The following MRAP2 variants were observed in gnomAD, a reference collection of about 807,000 sequenced individuals.
MRAP2 encodes the protein melanocortin 2 receptor accessory protein 2.
MRAP2 carries 20 observed loss-of-function variants against 17.4 expected under a neutral mutation model. The observed-to-expected ratio is 1.15, with a 90% CI of 0.81 to 1.67. The LOEUF (loss-of-function observed/expected upper bound fraction) is 1.67. MRAP2 is among the 40% of genes most tolerant of loss of function. The pLI is 0.00. For synonymous variants in MRAP2, 96 were observed against 88.4 expected, an observed-to-expected ratio of 1.09 and a Z score of -0.48; for missense variants, 238 against 240.0, an observed-to-expected ratio of 0.99 and a Z score of 0.05.
At chr6:84,066,549 AT>A (rs2099494749) in intron 3 of MRAP2, among the ~76,000 whole-genome samples, 1 of 152,184 alleles carries the variant, frequency 6.6e-6, no homozygotes, top group Non-Finnish European at 1.5e-5. Context: ...AAGTTTGCCT[AT>A]GATAATTAGG....
At chr6:84,143,086 C>T in the MRAP2 span, among the ~76,000 whole-genome samples, 2 of 151,990 alleles carry the variant, frequency 1.3e-5, no homozygotes, top group Non-Finnish European at 2.9e-5. Context: ...TTTGGTATAG[C>T]TTACATCCTT....
chr6:84,116,516 G>A, the MRAP2 span, among the ~76,000 whole-genome samples: 1 of 152,142 alleles, frequency 6.6e-6, no homozygotes, highest in Non-Finnish European at 1.5e-5. Flanking sequence ...CCCAGTCTCA[G>A]GTATGTCTTC....
At chr6:84,106,655 T>C in the MRAP2 span, among the ~76,000 whole-genome samples, 1 of 152,178 alleles carries the variant, frequency 6.6e-6, no homozygotes, top group Non-Finnish European at 1.5e-5. Flanking sequence ...GGTACTCCCC[T>C]GTGAGGCCAT....
At chr6:84,100,023 C>A in the MRAP2 span, among the ~76,000 whole-genome samples, 1 of 152,050 alleles carries the variant, frequency 6.6e-6, no homozygotes, top group East Asian at 1.9e-4. Flanking sequence ...CCATGCCCAG[C>A]AAATTTTTAC....
At chr6:84,117,642 GGTGTGTGTCTGTGTGTGT>G in the MRAP2 span, among the ~76,000 whole-genome samples, 3 of 140,892 alleles carry the variant, frequency 2.1e-5, no homozygotes, top group Non-Finnish European at 3.0e-5. Context: ...TTGGATGTGG[GGTGTGTGTCTGTGTGTGT>G]GTGTGTGTGT....
intron 2 of MRAP2, among the ~76,000 whole-genome samples, chr6:84,059,778 G>A (rs2099492631): frequency 6.6e-6 from 1 of 152,164 alleles, no homozygotes; most frequent in South Asian, 2.1e-4. Flanking sequence ...AACTCGTTTG[G>A]AAGGCTTCTT....
the MRAP2 span, among the ~76,000 whole-genome samples, chr6:84,116,652 G>C: frequency 1.3e-5 from 2 of 152,062 alleles, no homozygotes; most frequent in African/African-American, 4.8e-5. Context: ...TTATTATTTT[G>C]AGGTATATTC....
At chr6:84,065,125 A>C (rs184034961) in intron 3 of MRAP2, among the ~76,000 whole-genome samples, 2 of 152,232 alleles carry the variant, frequency 1.3e-5, no homozygotes, top group Non-Finnish European at 2.9e-5. Flanking sequence ...TGTCTACAAA[A>C]AATACAAAAA....
intron 3 of MRAP2, among the ~76,000 whole-genome samples, chr6:84,075,581 C>T (rs750438362): frequency 1.2e-4 from 19 of 152,104 alleles, no homozygotes; most frequent in Admixed American, 3.3e-4. Context: ...CATTATGGCC[C>T]CATTATCATA....
chr6:84,047,078 C>T lies in MRAP2; in HGVS notation c.-7-8234C>T, dbSNP rs141198257. Among the ~76,000 whole-genome samples, 973 of 152,220 alleles carry T rather than the reference C, an allele frequency of 6.4e-3. 17 individuals are homozygous for T. The highest frequency in any genetic ancestry group is 0.022 in the African/African-American group (910 of 41,546). On this transcript the variant is annotated intron_variant, in intron 1 of 3. Transcript: ENST00000257776. ...TCAGATGTCTCAGCACCCTGTCATCCTCTGGGGTTCTCTTTTGCTTTAGAG... is the reference window on the plus strand; with the variant it reads ...TCAGATGTCTCAGCACCCTGTCATCTTCTGGGGTTCTCTTTTGCTTTAGAG...
chr6:84,136,358 G>T, the MRAP2 span, among the ~76,000 whole-genome samples: 1 of 152,310 alleles, frequency 6.6e-6, no homozygotes, highest in Middle Eastern at 3.4e-3. Flanking sequence ...GCCTTTTGCT[G>T]CATTAACCCA....
chr6:84,062,926 C>G lies in MRAP2; in HGVS notation c.161C>G (p.Ala54Gly). The change falls in exon 3 of 4, where the codon GCA (alanine) becomes GGA (glycine). Residue 54 changes from alanine to glycine, a missense_variant. Physicochemically the swap from Ala to Gly is moderately conservative, Grantham distance 60 (BLOSUM62 0). Coordinates refer to ENST00000257776, the MANE Select transcript of MRAP2 (RefSeq NM_138409.4). ...SIVIGFWVGL[A>G]VFVIFMFFVL... ...GTGATTGGATTTTGGGTTGGTCTTG[C>G]AGTCTTCGTGATTTTTATGTTTTTT... The G allele has an allele frequency of 6.2e-7, 1 of 1,614,142 alleles. No individual in the cohort carries two copies. The highest frequency in any genetic ancestry group is 1.3e-5 in the African/African-American group (1 of 75,034).
the MRAP2 span, among the ~76,000 whole-genome samples, chr6:84,104,444 A>G: frequency 2.6e-5 from 4 of 152,236 alleles, no homozygotes; most frequent in Non-Finnish European, 4.4e-5. Context: ...TTCTCCTCAG[A>G]AAATGGGATT....
At chr6:84,062,845 G>C in intron 2 of MRAP2, 48 bp from the exon 3 acceptor site, 8 of 1,612,094 alleles carry the variant, frequency 5.0e-6, no homozygotes, top group Non-Finnish European at 6.8e-6. Context: ...GAATGTTCAA[G>C]TTTTAAACTA....
At chr6:84,046,933 C>T (rs1200083696) in intron 1 of MRAP2, among the ~76,000 whole-genome samples, 1 of 151,888 alleles carries the variant, frequency 6.6e-6, no homozygotes, top group African/African-American at 2.4e-5. Flanking sequence ...GATGATTCCT[C>T]ACAGCTTAGA....
the MRAP2 span, among the ~76,000 whole-genome samples, chr6:84,134,822 A>ATC: frequency 2.6e-5 from 4 of 151,990 alleles, no homozygotes; most frequent in Non-Finnish European, 5.9e-5. Flanking sequence ...CCCACAGATT[A>ATC]AACTTTTGAT....
intron 3 of MRAP2, among the ~76,000 whole-genome samples, chr6:84,080,401 TG>T (rs2099498678): frequency 6.6e-6 from 1 of 152,216 alleles, no homozygotes; most frequent in Admixed American, 6.5e-5. Context: ...CCTCTTTTGC[TG>T]AAGCTCTTTC....
chr6:84,137,326 C>T, the MRAP2 span, among the ~76,000 whole-genome samples: 16 of 152,114 alleles, frequency 1.1e-4, no homozygotes, highest in Non-Finnish European at 1.3e-4. Context: ...AGCCTTACAA[C>T]GGCAAGTCAA....
At chr6:84,075,848 A>G (rs1159184452) in intron 3 of MRAP2, among the ~76,000 whole-genome samples, 1 of 152,178 alleles carries the variant, frequency 6.6e-6, no homozygotes, top group Non-Finnish European at 1.5e-5. Context: ...GCACTCATTA[A>G]AGAATGGGTA....
Sources: allele counts gnomAD v4.1 joint callset (sites outside exome capture counted in the v4.1 genomes callset), GRCh38; gene constraint gnomAD v4.1.1; transcripts MANE v1.5; gene names NCBI Gene and HGNC (gene_info 2026-07-23, HGNC 2026-07-21).